The following DOCK4 variants were observed in gnomAD, a reference collection of about 807,000 sequenced individuals.
DOCK4 encodes the protein dedicator of cytokinesis 4, also known as dedicator of cytokinesis protein 4.
A neutral mutation model predicts 268.1 loss-of-function variants in DOCK4; 97 were observed. The ratio of observed to expected loss-of-function variants is 0.36; its 90% confidence interval spans 0.31 to 0.43. The LOEUF (loss-of-function observed/expected upper bound fraction) is 0.43. DOCK4 is among the 20% of genes least tolerant of loss of function. The pLI is 1.00. For synonymous variants in DOCK4, 954 were observed against 887.2 expected (o/e 1.08, Z -1.34); for missense variants, 2,145 against 2,455.7 (o/e 0.87, Z 2.67).
Position 111,767,041 on chromosome 7 carries a change from G to T in DOCK4, c.3906C>A (p.Ser1302Arg), listed in dbSNP as rs954246407. 1 of 1,613,386 alleles carries T rather than the reference G, an allele frequency of 6.2e-7. No individual in the cohort carries two copies. Among genetic ancestry groups the T allele is most frequent in the Non-Finnish European group, 8.5e-7 (1 of 1,179,522 alleles). ...CATCCAGGCACCTTACCCGCATCTTGCTCAGGTTTCTGTAGTCATAATAAC... is the reference window on the plus strand; with the variant it reads ...CATCCAGGCACCTTACCCGCATCTTTCTCAGGTTTCTGTAGTCATAATAAC... The part of the protein sequence containing the change: ...YESYYDYRNL[S>R]KMRMMEASLY... The change falls in exon 38 of 53, where the codon AGC becomes AGA. Residue 1302 changes from serine to arginine, a missense_variant. Physicochemically the swap from Ser to Arg is moderately radical, Grantham distance 110. This residue lies in a region of DOCK4 where 1,598 missense variants were observed against 1,986.7 expected (regional missense o/e 0.80). Transcript: ENST00000428084.
intron 1 of DOCK4, among the ~76,000 whole-genome samples, chr7:112,033,599 G>A (rs547061839): frequency 1.3e-5 from 2 of 152,132 alleles, no homozygotes; most frequent in East Asian, 3.8e-4. Context: ...TTTTCAGTTA[G>A]GACTGTACTT....
Position 111,728,325 on chromosome 7 carries a change from A to G in DOCK4, c.5877T>C (p.Thr1959=), listed in dbSNP as rs1449345587. Residue 1959 remains threonine (T), a synonymous_variant, in exon 53 of 53, where the codon ACT becomes ACC. Transcript: ENST00000428084. ...SSHLENGARR[T]DPGPRPRPLP... ...GGGGCCTGGGCCGCGGGCCGGGGTCAGTCCTCCGGGCCCCATTCTCCAGGT... is the reference window on the plus strand; with the variant it reads ...GGGGCCTGGGCCGCGGGCCGGGGTCGGTCCTCCGGGCCCCATTCTCCAGGT... The G allele has an allele frequency of 3.3e-6, 5 of 1,514,046 alleles. 1 individual carries two copies. The Admixed American group carries it at 9.1e-5, about 28-fold the overall frequency. The allele number at this position is 1,514,046 out of a possible 1,614,324, so 93.8% of individuals were successfully genotyped here.
chr7:112,198,729 G>T (rs947666812), intron 1 of DOCK4, among the ~76,000 whole-genome samples: 7 of 152,026 alleles, frequency 4.6e-5, no homozygotes, highest in Non-Finnish European at 7.4e-5. Context: ...CAAAAAAATT[G>T]TTCTCATCTG....
At chr7:112,051,964 G>A (rs1289111130) in intron 1 of DOCK4, among the ~76,000 whole-genome samples, 3 of 151,930 alleles carry the variant, frequency 2.0e-5, no homozygotes, top group Admixed American at 6.6e-5. Context: ...TATCTGTGGG[G>A]GATTGGTTCC....
chr7:112,053,908 A>C (rs1380489310), intron 1 of DOCK4, among the ~76,000 whole-genome samples: 1 of 152,228 alleles, frequency 6.6e-6, no homozygotes, highest in Non-Finnish European at 1.5e-5. Flanking sequence ...GTTGCTGAGG[A>C]GGCAAACAAC....
rs182188096 is a variant in DOCK4 at position 112,085,082 on chromosome 7, A to G, written c.38-80951T>C. Among the ~76,000 whole-genome samples, 5 of 152,218 alleles carry G rather than the reference A, an allele frequency of 3.3e-5. No homozygotes were observed. In the East Asian group the frequency reaches 9.7e-4, roughly 29 times the overall value. ...AAAATTGTTCTAGTATATTCACTTC[A>G]ACATCAGAAACTGCCACACAGATCA... On this transcript the variant is annotated intron_variant, in intron 1 of 52. Transcript: ENST00000428084.
At chr7:111,784,071 A>C (rs771081548) in intron 33 of DOCK4, 26 bp downstream of exon 33, 1 of 1,580,296 alleles carries the variant, frequency 6.3e-7, no homozygotes, top group African/African-American at 1.3e-5. Context: ...TCTCACAAGT[A>C]GCACAATTTG....
intron 1 of DOCK4, among the ~76,000 whole-genome samples, chr7:112,057,171 C>CA (rs1805893357): frequency 6.6e-6 from 1 of 151,970 alleles, no homozygotes; most frequent in Admixed American, 6.6e-5. Context: ...CCCAGCAGCT[C>CA]AGAAGGCAGA....
intron 32 of DOCK4, among the ~76,000 whole-genome samples, chr7:111,787,092 A>C (rs1178800246): frequency 1.3e-5 from 2 of 152,172 alleles, no homozygotes; most frequent in Non-Finnish European, 2.9e-5. Flanking sequence ...CTTCTATTTC[A>C]AAGTCATATT....
intron 1 of DOCK4, among the ~76,000 whole-genome samples, chr7:112,062,000 T>C (rs1293247319): frequency 6.6e-6 from 1 of 152,228 alleles, no homozygotes; most frequent in Non-Finnish European, 1.5e-5. Context: ...GGTACAATTA[T>C]GTGGTACACA....
At chr7:111,799,436 A>G (rs1800115825) in intron 30 of DOCK4, among the ~76,000 whole-genome samples, 2 of 152,162 alleles carry the variant, frequency 1.3e-5, no homozygotes, top group Admixed American at 6.5e-5. Flanking sequence ...ATTTAGTATT[A>G]GCAAAAACTC....
At chr7:111,913,502 C>T (rs1282575857) in intron 13 of DOCK4, among the ~76,000 whole-genome samples, 79 of 146,074 alleles carry the variant, frequency 5.4e-4, no homozygotes, top group Admixed American at 7.5e-4. Flanking sequence ...CTCCACCTCC[C>T]GGGTTCACGC....
chr7:111,864,636 C>A (rs1401009062), intron 22 of DOCK4, among the ~76,000 whole-genome samples: 1 of 152,094 alleles, frequency 6.6e-6, no homozygotes, highest in Admixed American at 6.6e-5. Context: ...TTTTTGATGC[C>A]AGCGCCATCA....
intron 1 of DOCK4, among the ~76,000 whole-genome samples, chr7:112,054,861 T>C (rs193039199): frequency 2.6e-5 from 4 of 152,326 alleles, no homozygotes; most frequent in Non-Finnish European, 2.9e-5. Flanking sequence ...ACACACTTAA[T>C]ATAGAAAGTT....
chr7:111,806,978 G>A (rs60144389), intron 30 of DOCK4, among the ~76,000 whole-genome samples: 10,580 of 152,168 alleles, frequency 0.07, 1,238 homozygotes, highest in African/African-American at 0.24. Flanking sequence ...AGTATACAGT[G>A]ACATGTTTAG....
At chr7:112,101,366 C>T (rs1378816293) in intron 1 of DOCK4, among the ~76,000 whole-genome samples, 1 of 152,198 alleles carries the variant, frequency 6.6e-6, no homozygotes, top group Non-Finnish European at 1.5e-5. Context: ...CTCTCGTCCC[C>T]GGAGGGGTAA....
chr7:111,922,477 T>C (rs1206029307), intron 12 of DOCK4, among the ~76,000 whole-genome samples: 1 of 152,234 alleles, frequency 6.6e-6, no homozygotes, highest in East Asian at 1.9e-4. Flanking sequence ...CTGATGATGA[T>C]ATATTTTTAA....
At chr7:112,041,274 T>C (rs1804333543) in intron 1 of DOCK4, among the ~76,000 whole-genome samples, 1 of 152,182 alleles carries the variant, frequency 6.6e-6, no homozygotes, top group South Asian at 2.1e-4. Context: ...TATGCAATTA[T>C]GAAGTTAAAA....
chr7:111,977,555 T>C (rs1161545866), intron 7 of DOCK4, among the ~76,000 whole-genome samples: 6 of 152,188 alleles, frequency 3.9e-5, no homozygotes, highest in Admixed American at 1.3e-4. Context: ...GTGAAGTTTA[T>C]AGATTATCAA....
Sources: allele counts gnomAD v4.1 joint callset (sites outside exome capture counted in the v4.1 genomes callset), GRCh38; gene constraint gnomAD v4.1.1; regional missense constraint gnomAD v4.1.1; transcripts MANE v1.5; gene names NCBI Gene and HGNC (gene_info 2026-07-23, HGNC 2026-07-21).